MBNL2: variants seen among roughly 807,000 people sequenced by gnomAD.
MBNL2 encodes the protein muscleblind-like protein 2.
In MBNL2, 17 loss-of-function variants were observed where a neutral mutation model predicts 41.9. The ratio of observed to expected loss-of-function variants is 0.41; its 90% CI spans 0.28 to 0.61. The LOEUF is 0.61. Among genes scored for constraint, MBNL2 ranks in the 20% least tolerant of loss-of-function variants. The pLI is 0.35. For missense variants in MBNL2, 336 were observed against 505.6 expected (o/e 0.66, Z 3.22); for synonymous variants, 195 against 182.9 (o/e 1.07, Z -0.53).
intron 1 of MBNL2, among the ~76,000 whole-genome samples, chr13:97,244,072 C>T (rs1248993260): frequency 6.6e-6 from 1 of 152,170 alleles, no homozygotes; most frequent in Admixed American, 6.5e-5. Context: ...AAATAAAAAA[C>T]AGATTCATCT....
intron 8 of MBNL2, among the ~76,000 whole-genome samples, chr13:97,374,168 A>G (rs1315391338): frequency 1.4e-5 from 2 of 142,884 alleles, no homozygotes; most frequent in Non-Finnish European, 1.5e-5. Context: ...ATTTTTTTGA[A>G]ACGGAGTCTC....
At position 97,346,013 on chromosome 13, in the gene MBNL2, A is replaced by T. The variant is rs2061815892; in HGVS notation, c.541-791A>T. ...TAGGTAAGCAGGTATATAGATAGGT[A>T]GGTAACTAGATTAGATAGATGATTA... On this transcript the variant is annotated intron_variant, in intron 4 of 8. Coordinates refer to ENST00000679496, the MANE Select transcript of MBNL2 (RefSeq NM_001382683.1). This position sits in a 1 kb window ranked among gnomAD's most constrained non-coding sequence, Gnocchi z 4.2. Among the ~76,000 whole-genome samples, 1 of 152,190 alleles carries T rather than the reference A, an allele frequency of 6.6e-6. No individual in the cohort carries two copies.
At chr13:97,177,406 T>C in the MBNL2 span, among the ~76,000 whole-genome samples, 5 of 152,192 alleles carry the variant, frequency 3.3e-5, no homozygotes, top group South Asian at 1.0e-3. Flanking sequence ...GCCATAAAAA[T>C]AGAACTCTTG....
chr13:97,270,649 T>C (rs1314077282), intron 1 of MBNL2, among the ~76,000 whole-genome samples: 1 of 152,226 alleles, frequency 6.6e-6, no homozygotes, highest in Non-Finnish European at 1.5e-5. Context: ...TTGATTGATA[T>C]GTTGCTGGTG....
chr13:97,196,589 C>T, the MBNL2 span, among the ~76,000 whole-genome samples: 1 of 152,000 alleles, frequency 6.6e-6, no homozygotes, highest in Non-Finnish European at 1.5e-5. Flanking sequence ...AGGAGGGAGC[C>T]CAGGACAACA....
intron 2 of MBNL2, among the ~76,000 whole-genome samples, chr13:97,326,385 A>G (rs1352702913): frequency 6.6e-6 from 1 of 152,238 alleles, no homozygotes; most frequent in Non-Finnish European, 1.5e-5. Context: ...GAGAAAAAGA[A>G]CACACCAGAG....
At chr13:97,148,906 C>T in the MBNL2 span, among the ~76,000 whole-genome samples, 1 of 152,234 alleles carries the variant, frequency 6.6e-6, no homozygotes, top group Non-Finnish European at 1.5e-5. Context: ...CACTAACATA[C>T]ACATACTTGT....
rs139809285 is a variant in MBNL2, at chr13:97,301,959, T to C, written c.174+25550T>C. Among the ~76,000 whole-genome samples the C allele has an allele frequency of 4.2e-3, 642 of 152,328 alleles. 7 individuals are homozygous for C. Among genetic ancestry groups the C allele is most frequent in the African/African-American group, 0.015 (616 of 41,572 alleles). On this transcript the variant is annotated intron_variant, in intron 2 of 8. Coordinates refer to ENST00000679496, the MANE Select transcript of MBNL2 (RefSeq NM_001382683.1). ...TCTACTCCTCTCAGATTTCTTCCGG[T>C]TGGATACTTGCTCAGCTCTTCATGA...
intron 7 of MBNL2, among the ~76,000 whole-genome samples, chr13:97,363,467 C>G (rs1244377722): frequency 9.0e-6 from 1 of 111,498 alleles, no homozygotes; most frequent in Non-Finnish European, 1.8e-5. Flanking sequence ...TGTGTGTGAT[C>G]AAAAATCTAA....
At chr13:97,363,509 G>A (rs2063595923) in intron 7 of MBNL2, among the ~76,000 whole-genome samples, 1 of 151,744 alleles carries the variant, frequency 6.6e-6, no homozygotes. Context: ...GGAGGGAAGG[G>A]CGGAGTGCTG....
intron 2 of MBNL2, among the ~76,000 whole-genome samples, chr13:97,287,716 CTTTTCTT>C (rs1216280803): frequency 2.1e-4 from 28 of 133,956 alleles, no homozygotes; most frequent in African/African-American, 7.8e-4. Context: ...CTTTTCTTTT[CTTTTCTT>C]TTTTTTTTTT....
chr13:97,347,572 G>C (rs1029141891), intron 5 of MBNL2, among the ~76,000 whole-genome samples: 1 of 152,184 alleles, frequency 6.6e-6, no homozygotes, highest in South Asian at 2.1e-4. Context: ...TATTACAAGG[G>C]CAATGCTGGT....
At chr13:97,213,520 T>C in the MBNL2 span, among the ~76,000 whole-genome samples, 2 of 152,106 alleles carry the variant, frequency 1.3e-5, no homozygotes, top group Non-Finnish European at 2.9e-5. Flanking sequence ...AAACACACAT[T>C]TAATGAGTGA....
At chr13:97,354,533 A>T (rs957756404) in intron 5 of MBNL2, among the ~76,000 whole-genome samples, 2 of 152,230 alleles carry the variant, frequency 1.3e-5, no homozygotes, top group African/African-American at 4.8e-5. Flanking sequence ...AGAAAGAGAT[A>T]CACGTCACTG....
At chr13:97,259,816 C>T (rs1458937608) in intron 1 of MBNL2, among the ~76,000 whole-genome samples, 1 of 152,164 alleles carries the variant, frequency 6.6e-6, no homozygotes, top group Non-Finnish European at 1.5e-5. Context: ...TTTCAAATCC[C>T]ATCGAGAAGA....
the MBNL2 span, among the ~76,000 whole-genome samples, chr13:97,171,231 G>A: frequency 6.2e-4 from 94 of 152,204 alleles, no homozygotes; most frequent in Middle Eastern, 3.4e-3. Context: ...GAGCTTATAC[G>A]TTATCTCATG....
intron 7 of MBNL2, among the ~76,000 whole-genome samples, chr13:97,358,074 C>A (rs1278843508): frequency 2.0e-5 from 3 of 152,226 alleles, no homozygotes; most frequent in Admixed American, 1.3e-4. Flanking sequence ...TAAAGCAATT[C>A]TCTACTCATA....
At chr13:97,171,584 A>C in the MBNL2 span, among the ~76,000 whole-genome samples, 1 of 152,228 alleles carries the variant, frequency 6.6e-6, no homozygotes, top group Non-Finnish European at 1.5e-5. Flanking sequence ...TTAGAGTTGA[A>C]ACCAAGCCAA....
intron 5 of MBNL2, among the ~76,000 whole-genome samples, chr13:97,352,147 A>T (rs1235279114): frequency 6.6e-6 from 1 of 152,164 alleles, no homozygotes; most frequent in Non-Finnish European, 1.5e-5. Context: ...TTTTTCCCAC[A>T]CTGGCAATAA....
Sources: gnomAD v4.1 joint callset for allele counts (sites outside exome capture counted in the v4.1 genomes callset) on GRCh38, gnomAD v4.1.1 for gene constraint, Gnocchi (gnomAD v3.1) non-coding constraint, MANE v1.5 for transcripts, NCBI Gene and HGNC (gene_info 2026-07-23, HGNC 2026-07-21) for gene names.